ZNF287: variants seen among roughly 807,000 people sequenced by gnomAD.
The protein encoded by ZNF287 is zinc finger protein 287.
Under a neutral mutation model 73.7 loss-of-function variants are expected in ZNF287, and 31 were observed. The observed-to-expected ratio is 0.42, with a 90% CI of 0.32 to 0.57. ZNF287 has a LOEUF of 0.57. ZNF287 is among the 20% of genes least tolerant of loss of function. The pLI is 0.13. For synonymous variants in ZNF287, 301 were observed against 307.2 expected, an observed-to-expected ratio of 0.98 and a Z score of 0.21; for missense variants, 641 against 909.3, an observed-to-expected ratio of 0.70 and a Z score of 3.79.
rs1474619711 is a variant in ZNF287 at position 16,547,434 on chromosome 17, G to A, written c.*4422C>T. ...ACAGGCCTTTTGCAGCTAATTTGCT[G>A]CTTTCTAGCATACATAACATGGAAG... On this transcript the variant is annotated 3_prime_UTR_variant, in exon 6 of 6. Coordinates refer to ENST00000395825, the MANE Select transcript of ZNF287 (RefSeq NM_020653.4). Among the ~76,000 whole-genome samples, 1 of 152,144 alleles carries A rather than the reference G, an allele frequency of 6.6e-6. No individual in the cohort carries two copies. The highest frequency in any genetic ancestry group is 1.5e-5 in the Non-Finnish European group (1 of 68,018).
rs752039595 is a variant in ZNF287, at chr17:16,553,248, T to C, written c.894A>G (p.Ser298=). The C allele has an allele frequency of 6.2e-7, 1 of 1,613,070 alleles. No individual in the cohort carries two copies. The highest frequency in any genetic ancestry group is 1.1e-5 in the South Asian group (1 of 91,030). ...TAGGATCATATTCTTGTGAAAGGAC[T>C]GACTTCAAACTGAAACCTCTTTCAT... is the stretch of plus-strand genomic sequence containing the variant. ...HTDERGFSLK[S]VLSQEYDPTE... is the part of the protein sequence containing the mutation. Residue 298 remains serine (S), a synonymous_variant, in exon 6 of 6, where the codon TCA becomes TCG. Transcript: ENST00000395825.
rs550277599 is a variant in ZNF287, at chr17:16,552,641, C to T, written c.1501G>A (p.Val501Ile). The change falls in exon 6 of 6, where the codon GTT becomes ATT. Residue 501 changes from valine (V) to isoleucine (I), a missense_variant. Around this residue, in one of 2 missense-constraint regions of ZNF287, gnomAD observed 284 missense variants for 466.8 expected, o/e 0.61. Transcript: ENST00000395825. The surrounding 1 kb of genome is among the most constrained non-coding windows in gnomAD (Gnocchi z 6.5). ...ATATAAGGTTTTTCTCCAGTATGAA[C>T]TCTCTGATGATTAATCAGTGATGAA... is the stretch of plus-strand genomic sequence containing the variant. ...HSSSLINHQRVHTGEKPYICN... is the reference protein window; with the variant it reads ...HSSSLINHQRIHTGEKPYICN... 5 of 1,614,074 alleles carry T rather than the reference C, an allele frequency of 3.1e-6. No homozygotes were observed. In the South Asian group the frequency reaches 4.4e-5, roughly 14 times the overall value.
In ZNF287 at chr17:16,552,342, G is replaced by T. The variant is rs1213031420; in HGVS notation, c.1800C>A (p.Ala600=). The T allele has an allele frequency of 5.0e-6, 8 of 1,613,762 alleles. No homozygotes were observed. The highest frequency in any genetic ancestry group is 1.3e-5 in the African/African-American group (1 of 74,842). Residue 600 remains alanine, a synonymous_variant, in exon 6 of 6, where the codon GCC becomes GCA. Coordinates refer to ENST00000395825, the MANE Select transcript of ZNF287 (RefSeq NM_020653.4). This position sits in a 1 kb window ranked among gnomAD's most constrained non-coding sequence, Gnocchi z 6.5. Reference sequence around the variant, plus strand: ...GAGTAAGATTTGCACTCTGGCTGAAGGCTTTCCCACATATATTACATATAT... The same window carrying T: ...GAGTAAGATTTGCACTCTGGCTGAATGCTTTCCCACATATATTACATATAT... ...KSYICNICGK[A]FSQSANLTQH...
intron 5 of ZNF287, among the ~76,000 whole-genome samples, chr17:16,561,023 C>T (rs1907421208): frequency 6.7e-6 from 1 of 149,394 alleles, no homozygotes; most frequent in Non-Finnish European, 1.5e-5. Context: ...GAAAGAAAAT[C>T]ACCATTTTGC....
At chr17:16,565,695 A>G (rs1907702200) in intron 3 of ZNF287, among the ~76,000 whole-genome samples, 1 of 152,128 alleles carries the variant, frequency 6.6e-6, no homozygotes, top group African/African-American at 2.4e-5. Flanking sequence ...TTAAAATAAT[A>G]TAGACTCATG....
At chr17:16,566,240 A>C (rs1907734821) in intron 3 of ZNF287, among the ~76,000 whole-genome samples, 3 of 152,214 alleles carry the variant, frequency 2.0e-5, no homozygotes, top group Admixed American at 2.0e-4. Flanking sequence ...AGAGCCGGGA[A>C]ACAAAACCTA....
chr17:16,559,384 G>A (rs1907275632), intron 5 of ZNF287: 1 of 152,140 alleles, frequency 6.6e-6, no homozygotes, highest in Admixed American at 6.5e-5. Flanking sequence ...ATGTGAATGT[G>A]AAACTATTTT....
At chr17:16,559,124 A>G (rs1907258058) in intron 5 of ZNF287, 1 of 152,172 alleles carries the variant, frequency 6.6e-6, no homozygotes, top group Non-Finnish European at 1.5e-5. Context: ...AAACATGGGA[A>G]GGATACATCA....
rs1569013668 is a variant in ZNF287, at chr17:16,552,790, G to A, written c.1352C>T (p.Pro451Leu). 1 of 1,614,002 alleles carries A rather than the reference G, an allele frequency of 6.2e-7. No individual in the cohort carries two copies. The highest frequency in any genetic ancestry group is 8.5e-7 in the Non-Finnish European group (1 of 1,179,978). Residue 451 changes from proline (P) to leucine (L), a missense_variant, in exon 6 of 6, where the codon CCC (proline) becomes CTC (leucine). Physicochemically the swap from Pro to Leu is moderately conservative, Grantham distance 98. Transcript: ENST00000395825. The surrounding 1 kb of genome is among the most constrained non-coding windows in gnomAD (Gnocchi z 6.5). The stretch of plus-strand genomic sequence containing the variant: ...TTTCCCACAGTCATCACACTTATAG[G>A]GTTTCTCTCCAGTATGAATTCTCTG... Reference protein sequence around the residue: ...IHQRIHTGEKPYKCDDCGKDF... With the variant: ...IHQRIHTGEKLYKCDDCGKDF...
At chr17:16,559,207 CTA>C (rs1907264017) in intron 5 of ZNF287, 1 of 151,884 alleles carries the variant, frequency 6.6e-6, no homozygotes, top group Non-Finnish European at 1.5e-5. Flanking sequence ...GTATACCTTT[CTA>C]TATAGTTTTT....
chr17:16,560,928 G>A (rs552113054), intron 5 of ZNF287, among the ~76,000 whole-genome samples: 2 of 151,212 alleles, frequency 1.3e-5, no homozygotes, highest in African/African-American at 2.4e-5. Flanking sequence ...GCGTGAACGT[G>A]GAAGGTGGAG....
In ZNF287 at chr17:16,553,222, G is replaced by A. The variant is rs374010653; in HGVS notation, c.920C>T (p.Thr307Ile). 8 of 1,606,328 alleles carry A rather than the reference G, an allele frequency of 5.0e-6. No individual in the cohort carries two copies. Among genetic ancestry groups the A allele is most frequent in the Non-Finnish European group, 6.0e-6 (7 of 1,173,224 alleles). Reference protein sequence around the residue: ...KSVLSQEYDPTEECLSKYDIY... With the variant: ...KSVLSQEYDPIEECLSKYDIY... ...ATCATATTTACTAAGACATTCTTCT[G>A]TAGGATCATATTCTTGTGAAAGGAC... Residue 307 changes from threonine (T) to isoleucine (I), a missense_variant, in exon 6 of 6, where the codon ACA becomes ATA. Coordinates refer to ENST00000395825, the MANE Select transcript of ZNF287 (RefSeq NM_020653.4).
chr17:16,551,756 T>C lies in ZNF287; in HGVS notation c.*100A>G, dbSNP rs1351385585. ...ATACTTCTGCTGAGTATCTAACATA[T>C]TGCACTTCTTCAGACTTCTTCTGAA... On this transcript the variant is annotated 3_prime_UTR_variant, in exon 6 of 6. Coordinates refer to ENST00000395825, the MANE Select transcript of ZNF287 (RefSeq NM_020653.4). The C allele has an allele frequency of 3.9e-6, 5 of 1,272,260 alleles. No individual in the cohort carries two copies. Among genetic ancestry groups the C allele is most frequent in the African/African-American group, 3.0e-5 (2 of 66,892 alleles). The allele number at this position is 1,272,260 out of a possible 1,614,324, so 78.8% of individuals were successfully genotyped here.
chr17:16,553,289 A>G lies in ZNF287; in HGVS notation c.853T>C (p.Trp285Arg). 1 of 1,614,004 alleles carries G rather than the reference A, an allele frequency of 6.2e-7. No homozygotes were observed. ...CCTCTTTCATCAGTGTGAATTTTCC[A>G]GAAGCCACCTTTTCCTCGCCTCTCT... ...RLERRGKGGF[W>R]KIHTDERGFS... The change falls in exon 6 of 6, where the codon TGG becomes CGG. Residue 285 changes from tryptophan to arginine, a missense_variant. By Grantham distance (101) the Trp-to-Arg change is moderately radical (BLOSUM62 -3). Around this residue, in one of 2 missense-constraint regions of ZNF287, gnomAD observed 357 missense variants for 442.4 expected, o/e 0.81. Transcript: ENST00000395825.
chr17:16,566,735 A>C (rs1456820248), intron 2 of ZNF287, 113 bp from the exon 3 acceptor site: 5 of 655,068 alleles, frequency 7.6e-6, no homozygotes, highest in Non-Finnish European at 1.3e-5. Context: ...GAAGGAAATC[A>C]AAAACAGCAC....
chr17:16,563,887 C>A, intron 3 of ZNF287, 62 bp from the exon 4 acceptor site: 1 of 1,575,922 alleles, frequency 6.3e-7, no homozygotes, highest in Admixed American at 1.7e-5. Flanking sequence ...ACACTGATAA[C>A]ACTGGGTATA....
At chr17:16,554,576 T>G (rs777079723) in intron 5 of ZNF287, among the ~76,000 whole-genome samples, 2 of 152,176 alleles carry the variant, frequency 1.3e-5, no homozygotes, top group Admixed American at 6.5e-5. Flanking sequence ...AAAAAAGATG[T>G]TTATAGTCCA....
At chr17:16,561,450 C>A (rs977181737) in intron 5 of ZNF287, among the ~76,000 whole-genome samples, 1 of 152,190 alleles carries the variant, frequency 6.6e-6, no homozygotes, top group Admixed American at 6.5e-5. Context: ...TATCACTCCA[C>A]AGATGACTTA....
At chr17:16,553,787 C>G (rs1288670531) in intron 5 of ZNF287, among the ~76,000 whole-genome samples, 1 of 152,214 alleles carries the variant, frequency 6.6e-6, no homozygotes, top group African/African-American at 2.4e-5. Flanking sequence ...ACTCTCATCA[C>G]TCTCTCTTCC....
Sources: allele counts gnomAD v4.1 joint callset (sites outside exome capture counted in the v4.1 genomes callset), GRCh38; gene constraint gnomAD v4.1.1; regional missense constraint gnomAD v4.1.1; non-coding constraint Gnocchi (gnomAD v3.1); transcripts MANE v1.5; gene names NCBI Gene and HGNC (gene_info 2026-07-23, HGNC 2026-07-21).